Variants in CYYR1 observed in about 807,000 individuals in gnomAD.
CYYR1 encodes the protein cysteine and tyrosine-rich protein 1.
CYYR1 carries 14 observed loss-of-function variants against 15.2 expected under a neutral mutation model. That is an observed-to-expected ratio of 0.92 (90% CI 0.61 to 1.44). The LOEUF (loss-of-function observed/expected upper bound fraction) is 1.44, where lower values mean the gene tolerates loss of function less well. Ranked by LOEUF, CYYR1 falls within the 40% of genes most tolerant of loss-of-function variation. The pLI is 0.00. For synonymous variants in CYYR1, 80 were observed against 77.4 expected, an observed-to-expected ratio of 1.03 and a Z score of -0.18; for missense variants, 228 against 209.5, an observed-to-expected ratio of 1.09 and a Z score of -0.54.
chr21:26,467,264 A>G lies in CYYR1; in HGVS notation c.*1237T>C, dbSNP rs2064979448. ...AAATGTTAAGGTCACTCACAGCAAA[A>G]TATGGCACATTAGAATTATTTATTA... On this transcript the variant is annotated 3_prime_UTR_variant, in exon 4 of 4. Coordinates refer to ENST00000652641, the MANE Select transcript of CYYR1 (RefSeq NM_001320768.2). 6.6e-6 allele frequency: 1 copy of G among 152,216 alleles called. No individual in the cohort carries two copies. Among genetic ancestry groups the G allele is most frequent in the Admixed American group, 6.5e-5 (1 of 15,274 alleles). The allele number at this position is 152,216 out of a possible 1,614,324, so 9.4% of individuals were successfully genotyped here.
At chr21:26,558,236 C>T (rs1979940148) in intron 2 of CYYR1, among the ~76,000 whole-genome samples, 1 of 152,102 alleles carries the variant, frequency 6.6e-6, no homozygotes, top group Admixed American at 6.5e-5. Flanking sequence ...TTTCCATTGC[C>T]TTTTTTTAAT....
rs1162593989 is a variant in CYYR1, at chr21:26,468,337, C to A, written c.*164G>T. 1 of 669,870 alleles carries A rather than the reference C, an allele frequency of 1.5e-6. No homozygotes were observed. Among genetic ancestry groups the A allele is most frequent in the South Asian group, 1.6e-5 (1 of 60,714 alleles). 41.5% of individuals were successfully genotyped at this position (669,870 alleles called of 1,614,324 possible). A position where few individuals can be genotyped will look rare whatever the true frequency, so the allele number is the denominator to read the frequency against. ...TACTCCAGATGGGGTCAGCTTTGAG[C>A]AGAGTAGAAATCCTATATCTCCTAG... On this transcript the variant is annotated 3_prime_UTR_variant, in exon 4 of 4. Coordinates refer to ENST00000652641, the MANE Select transcript of CYYR1 (RefSeq NM_001320768.2).
intron 3 of CYYR1, among the ~76,000 whole-genome samples, chr21:26,477,347 C>G (rs1347914982): frequency 6.6e-6 from 1 of 152,114 alleles, no homozygotes; most frequent in African/African-American, 2.4e-5. Flanking sequence ...TAATCATGCA[C>G]ATTATGTTTT....
chr21:26,533,820 T>G (rs138012496), intron 2 of CYYR1, among the ~76,000 whole-genome samples: 170 of 152,276 alleles, frequency 1.1e-3, no homozygotes, highest in African/African-American at 4.0e-3. Flanking sequence ...AGTGAAAAGA[T>G]TATAAAAGTG....
At chr21:26,509,812 T>C (rs1204631847) in intron 2 of CYYR1, among the ~76,000 whole-genome samples, 1 of 152,212 alleles carries the variant, frequency 6.6e-6, no homozygotes, top group Non-Finnish European at 1.5e-5. Context: ...GCTCATAGCC[T>C]ATTGGTCAGA....
chr21:26,558,134 C>A (rs151258467), intron 2 of CYYR1, among the ~76,000 whole-genome samples: 1 of 152,260 alleles, frequency 6.6e-6, no homozygotes, highest in East Asian at 1.9e-4. Context: ...TGGTTACAAG[C>A]GCAGAATTTC....
chr21:26,563,049 A>C (rs973057310), intron 2 of CYYR1, among the ~76,000 whole-genome samples: 7 of 152,164 alleles, frequency 4.6e-5, no homozygotes, highest in African/African-American at 1.4e-4. Context: ...AAACTTGCTG[A>C]ATACTGTAAA....
Position 26,480,395 on chromosome 21 carries a change from C to T in CYYR1, c.211G>A (p.Val71Ile). ...TAIAGIVFGI[V>I]FIMGVIAGIA... ...CCAGCAATGACCCCCATGATAAATA[C>T]TATTCCAAAAACAATGCCCGCAATT... is the stretch of plus-strand genomic sequence containing the variant. The change falls in exon 3 of 4, where the codon GTA (valine) becomes ATA (isoleucine). Residue 71 changes from valine (V) to isoleucine (I), a missense_variant. Val to Ile is a conservative substitution (Grantham distance 29). Coordinates refer to ENST00000652641, the MANE Select transcript of CYYR1 (RefSeq NM_001320768.2). The T allele has an allele frequency of 6.2e-7, 1 of 1,612,942 alleles. No individual in the cohort carries two copies.
chr21:26,526,682 C>T (rs1202900107), intron 2 of CYYR1, among the ~76,000 whole-genome samples: 3 of 152,154 alleles, frequency 2.0e-5, no homozygotes, highest in Non-Finnish European at 4.4e-5. Context: ...CATCTTTCTT[C>T]CACCTTGGTA....
intron 2 of CYYR1, among the ~76,000 whole-genome samples, chr21:26,543,005 A>G (rs1284342926): frequency 1.3e-5 from 2 of 152,348 alleles, no homozygotes; most frequent in South Asian, 4.1e-4. Flanking sequence ...TTGAAAAGCT[A>G]AAGAATGTTT....
rs1259533856 is a variant in CYYR1, at chr21:26,573,166, T to G, written c.-226A>C. On this transcript the variant is annotated 5_prime_UTR_variant, in exon 1 of 4. Transcript: ENST00000652641. The stretch of plus-strand genomic sequence containing the variant: ...GGGGCGCCCGTGGCCCGAGACGGGC[T>G]GCGCTGGGGGCCCAGGTCTCTTTGT... 2 of 1,482,296 alleles carry G rather than the reference T, an allele frequency of 1.3e-6. No homozygotes were observed. The highest frequency in any genetic ancestry group is 2.5e-5 in the South Asian group (2 of 81,518). The allele number at this position is 1,482,296 out of a possible 1,614,324, so 91.8% of individuals were successfully genotyped here.
At chr21:26,552,960 T>C (rs944562398) in intron 2 of CYYR1, among the ~76,000 whole-genome samples, 1 of 152,168 alleles carries the variant, frequency 6.6e-6, no homozygotes, top group Non-Finnish European at 1.5e-5. Flanking sequence ...GATTTTTTAC[T>C]CTTCTTTTTC....
intron 1 of CYYR1, among the ~76,000 whole-genome samples, chr21:26,572,288 A>G (rs1195973775): frequency 6.6e-6 from 1 of 152,244 alleles, no homozygotes; most frequent in African/African-American, 2.4e-5. Context: ...AGCAGTTCTT[A>G]CTACGAATAA....
intron 2 of CYYR1, among the ~76,000 whole-genome samples, chr21:26,541,945 T>A (rs1021320347): frequency 6.6e-6 from 1 of 151,886 alleles, no homozygotes; most frequent in Non-Finnish European, 1.5e-5. Flanking sequence ...TTCAATTAAC[T>A]CAAAAGTAGC....
rs528645270 is a variant in CYYR1, at chr21:26,485,973, C to T, written c.177-5544G>A. ...ATAATCTGTTTTTTAGCTGTTTTAA[C>T]GGATAAAGCATTAAGTGTAGTGGTA... is the stretch of plus-strand genomic sequence containing the variant. On this transcript the variant is annotated intron_variant, in intron 2 of 3. Coordinates refer to ENST00000652641, the MANE Select transcript of CYYR1 (RefSeq NM_001320768.2). Among the ~76,000 whole-genome samples the T allele has an allele frequency of 1.3e-4, 20 of 152,122 alleles. No individual in the cohort carries two copies. In the South Asian group the frequency reaches 1.5e-3, roughly 11 times the overall value.
intron 2 of CYYR1, among the ~76,000 whole-genome samples, chr21:26,509,250 G>C (rs935759660): frequency 6.6e-6 from 1 of 152,072 alleles, no homozygotes; most frequent in Non-Finnish European, 1.5e-5. Context: ...AACATCAAAT[G>C]CTCGACAATT....
chr21:26,492,493 G>T (rs2065341948), intron 2 of CYYR1, among the ~76,000 whole-genome samples: 2 of 152,180 alleles, frequency 1.3e-5, no homozygotes, highest in African/African-American at 4.8e-5. Flanking sequence ...ACTTTGTATG[G>T]TTGGCATTAT....
chr21:26,523,269 A>T (rs1234670263), intron 2 of CYYR1, among the ~76,000 whole-genome samples: 1 of 151,890 alleles, frequency 6.6e-6, no homozygotes, highest in Non-Finnish European at 1.5e-5. Flanking sequence ...TTCTGAATCT[A>T]CTCATTTGTC....
At chr21:26,510,334 T>C (rs944639674) in intron 2 of CYYR1, among the ~76,000 whole-genome samples, 4 of 152,226 alleles carry the variant, frequency 2.6e-5, no homozygotes, top group African/African-American at 7.2e-5. Flanking sequence ...ATGCTATCAT[T>C]TCCAGACCTG....
Sources: allele counts gnomAD v4.1 joint callset (sites outside exome capture counted in the v4.1 genomes callset), GRCh38; gene constraint gnomAD v4.1.1; transcripts MANE v1.5; gene names NCBI Gene and HGNC (gene_info 2026-07-23, HGNC 2026-07-21).